ZNF487: variants seen among roughly 807,000 people sequenced by gnomAD.
ZNF487 encodes KRAB domain only 1.
ZNF487 carries 4 observed loss-of-function variants against 3.0 expected under a neutral mutation model. That is an observed-to-expected ratio of 1.35 (90% CI 0.66 to 3.08). The LOEUF is 3.08. Among genes scored for constraint, ZNF487 ranks in the 30% most tolerant of loss-of-function variants. The probability of loss-of-function intolerance (pLI) is 0.01; values close to 1 mark genes in which losing one functional copy is unlikely to be tolerated. For missense variants in ZNF487, 146 were observed against 98.7 expected (o/e 1.48, Z -2.03); for synonymous variants, 55 against 34.6 (o/e 1.59, Z -2.06).
At chr10:43,513,430 A>G in the ZNF487 span, among the ~76,000 whole-genome samples, 16 of 152,216 alleles carry the variant, frequency 1.1e-4, no homozygotes, top group African/African-American at 3.6e-4. Context: ...TTAAGCTTAC[A>G]ATAATCCATG....
intron 1 of ZNF487, among the ~76,000 whole-genome samples, chr10:43,472,421 A>G (rs1459633083): frequency 6.6e-6 from 1 of 152,098 alleles, no homozygotes; most frequent in East Asian, 1.9e-4. Context: ...CCTCTGGGGC[A>G]TACATCCAGA....
At chr10:43,517,847 C>T in the ZNF487 span, among the ~76,000 whole-genome samples, 1 of 152,136 alleles carries the variant, frequency 6.6e-6, no homozygotes, top group Non-Finnish European at 1.5e-5. Flanking sequence ...GGAGGAGGTC[C>T]TTGGCTACCT....
rs374763105 is a variant in ZNF487 at position 43,464,633 on chromosome 10, A to G, written c.-93-11088A>G. ...ACAAAGCACATCTTGCACCGCCCTT[A>G]ATCCATTTAACCCTGAGTTGACACA... is the stretch of plus-strand genomic sequence containing the variant. On this transcript the variant is annotated intron_variant, in intron 1 of 3. Transcript: ENST00000437590. 3.1e-3 allele frequency among the ~76,000 whole-genome samples: 477 copies of G among 152,256 alleles called. 5 individuals are homozygous for G. The highest frequency in any genetic ancestry group is 0.022 in the South Asian group (104 of 4,830).
chr10:43,520,199 T>C, the ZNF487 span, among the ~76,000 whole-genome samples: 6 of 147,642 alleles, frequency 4.1e-5, no homozygotes, highest in Admixed American at 1.4e-4. Context: ...GTTTTTTTTT[T>C]CCACTTAAAT....
At chr10:43,513,065 G>C in the ZNF487 span, among the ~76,000 whole-genome samples, 1 of 152,200 alleles carries the variant, frequency 6.6e-6, no homozygotes, top group African/African-American at 2.4e-5. Context: ...GCTACTTCTT[G>C]CTCACTGGAT....
the ZNF487 span, among the ~76,000 whole-genome samples, chr10:43,522,413 T>C: frequency 6.6e-6 from 1 of 151,864 alleles, no homozygotes; most frequent in African/African-American, 2.4e-5. Context: ...ATTCAGATAA[T>C]TTAAAAGAAA....
chr10:43,485,011 A>G (rs139094009), downstream of ZNF487, among the ~76,000 whole-genome samples: 41 of 152,324 alleles, frequency 2.7e-4, no homozygotes, highest in African/African-American at 7.9e-4. Flanking sequence ...ATGTCTCCAC[A>G]TTGTTCAAAT....
chr10:43,505,040 G>A, the ZNF487 span, among the ~76,000 whole-genome samples: 5 of 151,750 alleles, frequency 3.3e-5, no homozygotes, highest in African/African-American at 1.2e-4. Flanking sequence ...ATGGAGTATT[G>A]CTGTGTTGCT....
the ZNF487 span, among the ~76,000 whole-genome samples, chr10:43,491,173 C>T: frequency 6.6e-6 from 1 of 151,062 alleles, no homozygotes; most frequent in African/African-American, 2.5e-5. Flanking sequence ...GGGGTTTCAC[C>T]ATGTTGGTTA....
In ZNF487 at chr10:43,437,205, C is replaced by T. The variant is rs1839418672; in HGVS notation, c.-151C>T. ...AGGTACCTCGGGTTCCTCCCTCCTC[C>T]GAGAGACCGCCGAGGTGCGGGCTGT... On this transcript the variant is annotated 5_prime_UTR_variant, in exon 1 of 4. Coordinates refer to ENST00000437590, the MANE Select transcript of ZNF487 (RefSeq NM_001355444.3). 1 of 250,582 alleles carries T rather than the reference C, an allele frequency of 4.0e-6. No homozygotes were observed. Among genetic ancestry groups the T allele is most frequent in the African/African-American group, 2.4e-5 (1 of 41,862 alleles). The allele number at this position is 250,582 out of a possible 1,614,324, so 15.5% of individuals were successfully genotyped here.
At position 43,482,733 on chromosome 10, in the gene ZNF487, G is replaced by C. The variant is rs1041805236; in HGVS notation, c.*811G>C. ...CATTAATCATCAGTGAACTCACACA[G>C]GAGAGAGACCCTTTGAATGCAATGA... On this transcript the variant is annotated 3_prime_UTR_variant, in exon 4 of 4. Transcript: ENST00000437590. The C allele has an allele frequency of 4.3e-6, 2 of 464,796 alleles. No individual in the cohort carries two copies. Among genetic ancestry groups the C allele is most frequent in the Non-Finnish European group, 8.7e-6 (2 of 229,058 alleles). The allele number at this position is 464,796 out of a possible 1,614,324, so 28.8% of individuals were successfully genotyped here.
At chr10:43,521,583 G>A in the ZNF487 span, among the ~76,000 whole-genome samples, 3 of 152,114 alleles carry the variant, frequency 2.0e-5, no homozygotes, top group African/African-American at 7.2e-5. Flanking sequence ...ATGTGTGCTG[G>A]GTGACTGAAG....
chr10:43,455,040 GCT>G (rs1840131037), intron 1 of ZNF487, among the ~76,000 whole-genome samples: 1 of 138,708 alleles, frequency 7.2e-6, no homozygotes, highest in Non-Finnish European at 1.5e-5. Context: ...AGACAGTCTC[GCT>G]CTGTTGCCCC....
chr10:43,497,674 A>G, the ZNF487 span, among the ~76,000 whole-genome samples: 13 of 152,136 alleles, frequency 8.5e-5, no homozygotes, highest in Non-Finnish European at 1.8e-4. Flanking sequence ...TTTGATACAT[A>G]AGAGATATAT....
At chr10:43,455,905 C>G (rs1450922462) in intron 1 of ZNF487, among the ~76,000 whole-genome samples, 2 of 152,274 alleles carry the variant, frequency 1.3e-5, no homozygotes, top group Non-Finnish European at 2.9e-5. Context: ...GCGGGCACCG[C>G]CCGCTCTAGC....
At chr10:43,476,481 C>A (rs1841105509) in intron 3 of ZNF487, among the ~76,000 whole-genome samples, 1 of 152,096 alleles carries the variant, frequency 6.6e-6, no homozygotes, top group South Asian at 2.1e-4. Context: ...CCTTCTATAT[C>A]AATTTCAGTT....
the ZNF487 span, among the ~76,000 whole-genome samples, chr10:43,518,998 T>C: frequency 7.2e-5 from 11 of 152,320 alleles, no homozygotes; most frequent in African/African-American, 2.6e-4. Context: ...TCACTTCATA[T>C]TTTTAATTCA....
At chr10:43,498,100 T>TATATATATA in the ZNF487 span, among the ~76,000 whole-genome samples, 34 of 9,364 alleles carry the variant, frequency 3.6e-3, no homozygotes, top group African/African-American at 7.4e-3. Context: ...TATATATATA[T>TATATATATA]TTTTTTTTTT....
the ZNF487 span, among the ~76,000 whole-genome samples, chr10:43,493,687 C>CAAAA: frequency 7.4e-5 from 1 of 13,496 alleles, no homozygotes; most frequent in African/African-American, 3.6e-4. Context: ...GACCCTTCCT[C>CAAAA]AAAAAAAGAA....
Sources: gnomAD v4.1 joint callset for allele counts (sites outside exome capture counted in the v4.1 genomes callset) on GRCh38, gnomAD v4.1.1 for gene constraint, MANE v1.5 for transcripts, NCBI Gene and HGNC (gene_info 2026-07-23, HGNC 2026-07-21) for gene names.